CREB5: variants seen among roughly 807,000 people sequenced by gnomAD.
The protein encoded by CREB5 is cAMP responsive element binding protein 5, also known as cyclic AMP-responsive element-binding protein 5.
In CREB5, 19 loss-of-function variants were observed where a neutral mutation model predicts 57.1. The ratio of observed to expected loss-of-function variants is 0.33; its 90% confidence interval spans 0.23 to 0.49. The LOEUF is 0.49. Among genes scored for constraint, CREB5 ranks in the 20% least tolerant of loss-of-function variants. The pLI is 0.99. For missense variants in CREB5, 579 were observed against 671.6 expected (o/e 0.86, Z 1.52); for synonymous variants, 238 against 238.3 (o/e 1.00, Z 0.01).
At chr7:28,551,874 CTT>C (rs373309167) in intron 4 of CREB5, among the ~76,000 whole-genome samples, 2 of 139,174 alleles carry the variant, frequency 1.4e-5, no homozygotes, top group Non-Finnish European at 3.1e-5. Context: ...CTTTCTTTTT[CTT>C]TCTTTCTTTT....
At chr7:28,686,301 T>A in intron 5 of CREB5, 1 of 795,830 alleles carries the variant, frequency 1.3e-6, no homozygotes, top group Non-Finnish European at 2.1e-6. Context: ...TCCTCTTCAT[T>A]TTCTCCCCCT....
At chr7:28,571,815 A>C (rs1795715548) in intron 5 of CREB5, among the ~76,000 whole-genome samples, 2 of 152,230 alleles carry the variant, frequency 1.3e-5, no homozygotes, top group South Asian at 4.1e-4. Flanking sequence ...TAGGAAGAAA[A>C]GGTAATAACT....
At chr7:28,531,783 C>A (rs1477055196) in intron 4 of CREB5, among the ~76,000 whole-genome samples, 1 of 152,148 alleles carries the variant, frequency 6.6e-6, no homozygotes, top group Admixed American at 6.5e-5. Context: ...GTAATCCCAG[C>A]ACTTAGGGAG....
chr7:28,352,948 C>A (rs1275711736), intron 1 of CREB5, among the ~76,000 whole-genome samples: 1 of 152,214 alleles, frequency 6.6e-6, no homozygotes, highest in African/African-American at 2.4e-5. Flanking sequence ...AACCACTTGG[C>A]TATGGCAAAC....
chr7:28,328,767 T>A (rs950413659), intron 1 of CREB5, among the ~76,000 whole-genome samples: 5 of 152,150 alleles, frequency 3.3e-5, no homozygotes, highest in Non-Finnish European at 7.4e-5. Context: ...CTGATTAGTG[T>A]GCTTAGGATG....
At chr7:28,492,379 A>G (rs988814317) in intron 2 of CREB5, among the ~76,000 whole-genome samples, 9 of 152,218 alleles carry the variant, frequency 5.9e-5, no homozygotes, top group African/African-American at 2.2e-4. Flanking sequence ...TTGTAATCTC[A>G]CAGAGCTCAG....
intron 4 of CREB5, among the ~76,000 whole-genome samples, chr7:28,520,050 G>A (rs1387062632): frequency 6.6e-6 from 1 of 152,218 alleles, no homozygotes; most frequent in Non-Finnish European, 1.5e-5. Flanking sequence ...GTGCTTTGGT[G>A]TGTGCTAGGA....
chr7:28,504,616 G>A (rs1045263413), intron 3 of CREB5, among the ~76,000 whole-genome samples: 14 of 152,168 alleles, frequency 9.2e-5, no homozygotes, highest in Non-Finnish European at 1.8e-4. Context: ...TAACTTTTGA[G>A]TTTGAGAGTT....
upstream of CREB5, chr7:28,410,044 G>T (rs1288811487): frequency 4.5e-6 from 2 of 441,552 alleles, no homozygotes; most frequent in South Asian, 1.6e-5. Context: ...GCGCGGCGAG[G>T]ACGCCGGGTC....
chr7:28,466,087 A>T (rs1194286872), intron 1 of CREB5, among the ~76,000 whole-genome samples: 7 of 152,256 alleles, frequency 4.6e-5, no homozygotes, highest in African/African-American at 1.4e-4. Flanking sequence ...AGGGCATAAT[A>T]ACACCTTCAT....
rs565056097 is a variant in CREB5 at position 28,630,064 on chromosome 7, C to G, written c.464+59527C>G. Among the ~76,000 whole-genome samples, 275 of 152,328 alleles carry G rather than the reference C, an allele frequency of 1.8e-3. 3 individuals carry two copies. Among genetic ancestry groups the G allele is most frequent in the South Asian group, 3.9e-3 (19 of 4,830 alleles). ...CTTCTGCCCCAGCCATTCTGTGAAA[C>G]TGTGGACTCACTGCTCATGTGATGG... On this transcript the variant is annotated intron_variant, in intron 5 of 10. Coordinates refer to ENST00000357727, the MANE Select transcript of CREB5 (RefSeq NM_182898.4).
intron 4 of CREB5, among the ~76,000 whole-genome samples, chr7:28,549,877 G>A (rs1007526751): frequency 6.6e-6 from 1 of 152,162 alleles, no homozygotes; most frequent in Admixed American, 6.6e-5. Context: ...AGCCCTTTGT[G>A]AGCCAGCAGA....
chr7:28,309,674 T>C (rs1198204487), intron 1 of CREB5, among the ~76,000 whole-genome samples: 2 of 152,188 alleles, frequency 1.3e-5, no homozygotes, highest in African/African-American at 4.8e-5. Context: ...TTTTTGATAC[T>C]GATGCTCCCA....
At chr7:28,377,919 G>A (rs1284412604) in intron 1 of CREB5, among the ~76,000 whole-genome samples, 8 of 96,052 alleles carry the variant, frequency 8.3e-5, no homozygotes, top group Non-Finnish European at 1.3e-4. Context: ...GAGACAGAGC[G>A]AGACTCTATC....
chr7:28,770,866 T>G (rs1354504697), intron 7 of CREB5, among the ~76,000 whole-genome samples: 1 of 152,218 alleles, frequency 6.6e-6, no homozygotes, highest in Non-Finnish European at 1.5e-5. Flanking sequence ...ATATGCAGCA[T>G]GGTGACTACA....
At chr7:28,443,697 C>G (rs1789299607) in intron 1 of CREB5, among the ~76,000 whole-genome samples, 1 of 152,168 alleles carries the variant, frequency 6.6e-6, no homozygotes, top group Non-Finnish European at 1.5e-5. Flanking sequence ...AGGCCACTAA[C>G]TTGTCCCCTT....
intron 4 of CREB5, among the ~76,000 whole-genome samples, chr7:28,556,869 C>T (rs1794901837): frequency 6.6e-6 from 1 of 152,210 alleles, no homozygotes; most frequent in Non-Finnish European, 1.5e-5. Context: ...CTAGCTCCTT[C>T]AGTTGGCTGC....
At chr7:28,499,514 A>G (rs188612844) in intron 3 of CREB5, among the ~76,000 whole-genome samples, 149 of 152,280 alleles carry the variant, frequency 9.8e-4, no homozygotes, top group Non-Finnish European at 1.7e-3. Flanking sequence ...TCTTTCCCGC[A>G]AGGTAAAACC....
chr7:28,802,078 G>GAAAAAAA (rs35658848), intron 7 of CREB5, among the ~76,000 whole-genome samples: 1,671 of 26,592 alleles, frequency 0.063, 449 homozygotes, highest in Non-Finnish European at 0.087. Context: ...GACTCCATCT[G>GAAAAAAA]AAAAAAAAAA....
Sources: gnomAD v4.1 joint callset for allele counts (sites outside exome capture counted in the v4.1 genomes callset) on GRCh38, gnomAD v4.1.1 for gene constraint, MANE v1.5 for transcripts, NCBI Gene and HGNC (gene_info 2026-07-23, HGNC 2026-07-21) for gene names.